The following PACSIN1 variants were observed in gnomAD, a reference collection of about 807,000 sequenced individuals.
PACSIN1 encodes the protein protein kinase C and casein kinase substrate in neurons protein 1.
A neutral mutation model predicts 59.5 loss-of-function variants in PACSIN1; 15 were observed. The observed-to-expected ratio is 0.25, with a 90% CI of 0.17 to 0.39. The LOEUF (loss-of-function observed/expected upper bound fraction) is 0.39. Among genes scored for constraint, PACSIN1 ranks in the 10% least tolerant of loss-of-function variants. PACSIN1 has a pLI of 1.00. For synonymous variants in PACSIN1, 210 were observed against 220.6 expected (o/e 0.95, Z 0.42); for missense variants, 420 against 580.2 (o/e 0.72, Z 2.84).
In PACSIN1 at chr6:34,534,710, G is replaced by C. The variant is rs1581991854; in HGVS notation, c.*2180G>C. The C allele has an allele frequency of 6.5e-6, 1 of 152,862 alleles. No individual in the cohort carries two copies. Among genetic ancestry groups the C allele is most frequent in the East Asian group, 1.9e-4 (1 of 5,172 alleles). The allele number at this position is 152,862 out of a possible 1,614,324, so 9.5% of individuals were successfully genotyped here. A position where few individuals can be genotyped will look rare whatever the true frequency, so the allele number is the denominator to read the frequency against. ...AGGGACTCGAAACCCCCTCCGTCCTGAGCAGCCACCTCCAGGGCCCTGTTT... is the reference window on the plus strand; with the variant it reads ...AGGGACTCGAAACCCCCTCCGTCCTCAGCAGCCACCTCCAGGGCCCTGTTT... On this transcript the variant is annotated 3_prime_UTR_variant, in exon 10 of 10. Coordinates refer to ENST00000244458, the MANE Select transcript of PACSIN1 (RefSeq NM_020804.5).
intron 1 of PACSIN1, among the ~76,000 whole-genome samples, chr6:34,480,694 C>G (rs550082557): frequency 6.6e-6 from 1 of 152,082 alleles, no homozygotes; most frequent in Non-Finnish European, 1.5e-5. Context: ...AGTTTCTGCT[C>G]TATATATATC....
At chr6:34,522,898 T>C (rs1242811914) in intron 1 of PACSIN1, among the ~76,000 whole-genome samples, 2 of 151,978 alleles carry the variant, frequency 1.3e-5, no homozygotes, top group Non-Finnish European at 2.9e-5. Context: ...TCCTCTGCCT[T>C]TTCCTTCTCT....
chr6:34,531,528 TAGG>T lies in PACSIN1; in HGVS notation c.1038-66_1038-64del. 2 of 1,489,410 alleles carry T rather than the reference TAGG, an allele frequency of 1.3e-6. No homozygotes were observed. Among genetic ancestry groups the T allele is most frequent in the Non-Finnish European group, 1.9e-6 (2 of 1,079,132 alleles). The allele number at this position is 1,489,410 out of a possible 1,614,324, so 92.3% of individuals were successfully genotyped here. On this transcript the variant is annotated intron_variant, in intron 8 of 9. Coordinates refer to ENST00000244458, the MANE Select transcript of PACSIN1 (RefSeq NM_020804.5). This position sits in a 1 kb window ranked among gnomAD's most constrained non-coding sequence, Gnocchi z 4.4. ...TAGAATTCGGGATCAGGGCTCTGAT[TAGG>T]AGGAGCGGTTAGCCCTCGGGATGCG...
intron 1 of PACSIN1, among the ~76,000 whole-genome samples, chr6:34,523,339 C>G (rs926196609): frequency 2.0e-5 from 3 of 152,356 alleles, no homozygotes; most frequent in Non-Finnish European, 4.4e-5. Context: ...GCTCACTTCT[C>G]CCGTGGTACC....
intron 1 of PACSIN1, among the ~76,000 whole-genome samples, chr6:34,479,501 A>G (rs1766685994): frequency 1.3e-5 from 2 of 152,186 alleles, no homozygotes. Flanking sequence ...CAATGGCACG[A>G]TCTTGGCCCA....
chr6:34,478,123 G>A (rs1317973517), intron 1 of PACSIN1, among the ~76,000 whole-genome samples: 2 of 149,198 alleles, frequency 1.3e-5, no homozygotes, highest in African/African-American at 5.0e-5. Context: ...ACAGTGGCGC[G>A]ATCTCGGCTT....
intron 1 of PACSIN1, 117 bp from the exon 2 acceptor site, chr6:34,526,126 T>C (rs1767477086): frequency 6.8e-6 from 4 of 590,768 alleles, no homozygotes; most frequent in Admixed American, 6.0e-5. Context: ...GACAGGAAGA[T>C]GGCATCCTAA....
intron 1 of PACSIN1, among the ~76,000 whole-genome samples, chr6:34,503,620 G>A (rs889254898): frequency 6.6e-6 from 1 of 152,188 alleles, no homozygotes; most frequent in South Asian, 2.1e-4. Context: ...GCTCACAGAA[G>A]TCACTCAGTC....
chr6:34,526,444 C>A, intron 2 of PACSIN1, 76 bp downstream of exon 2: 2 of 1,239,606 alleles, frequency 1.6e-6, no homozygotes, highest in Middle Eastern at 1.9e-4. Flanking sequence ...TTATCACTCA[C>A]CCCATGACCT....
intron 1 of PACSIN1, among the ~76,000 whole-genome samples, chr6:34,468,546 C>G (rs59257657): frequency 0.078 from 11,904 of 152,290 alleles, 741 homozygotes; most frequent in East Asian, 0.28. Context: ...CTCCCTCTGC[C>G]CCCTGGCTGC....
intron 1 of PACSIN1, among the ~76,000 whole-genome samples, chr6:34,506,965 G>A (rs892907868): frequency 5.3e-5 from 8 of 152,102 alleles, no homozygotes; most frequent in Admixed American, 3.9e-4. Flanking sequence ...CTCCCCACCC[G>A]GCCTTTCCTC....
At position 34,515,789 on chromosome 6, in the gene PACSIN1, C is replaced by A. The variant is rs546252987; in HGVS notation, c.-63-10454C>A. 9.8e-5 allele frequency among the ~76,000 whole-genome samples: 15 copies of A among 152,312 alleles called. No individual in the cohort carries two copies. Among genetic ancestry groups the A allele is most frequent in the African/African-American group, 3.6e-4 (15 of 41,570 alleles). ...GGAGTGCCTGTGGCCCTCCCTCCTG[C>A]GCTCCCTGTCCCTCTGCTGCATTGC... On this transcript the variant is annotated intron_variant, in intron 1 of 9. Coordinates refer to ENST00000244458, the MANE Select transcript of PACSIN1 (RefSeq NM_020804.5). The surrounding 1 kb of genome is among the most constrained non-coding windows in gnomAD (Gnocchi z 4.4).
At chr6:34,509,493 C>T (rs374578355) in intron 1 of PACSIN1, among the ~76,000 whole-genome samples, 160 of 152,254 alleles carry the variant, frequency 1.1e-3, no homozygotes, top group African/African-American at 3.6e-3. Flanking sequence ...GTTTTGAAAT[C>T]AGGAAGTATG....
intron 1 of PACSIN1, among the ~76,000 whole-genome samples, chr6:34,479,338 C>G (rs145094099): frequency 1.0e-3 from 157 of 152,340 alleles, no homozygotes; most frequent in South Asian, 9.9e-3. Context: ...CTGGAACCCA[C>G]CATTCTAAAC....
At chr6:34,512,834 T>C (rs537262873) in intron 1 of PACSIN1, among the ~76,000 whole-genome samples, 20 of 152,374 alleles carry the variant, frequency 1.3e-4, no homozygotes, top group African/African-American at 4.8e-4. Context: ...GGAATCAATG[T>C]GAGGCACTGG....
At chr6:34,474,791 A>G (rs750362368) in intron 1 of PACSIN1, among the ~76,000 whole-genome samples, 63 of 11,170 alleles carry the variant, frequency 5.6e-3, no homozygotes, top group Non-Finnish European at 0.016. Flanking sequence ...TCTGTCTCAG[A>G]AAAAAAAAAA....
intron 1 of PACSIN1, among the ~76,000 whole-genome samples, chr6:34,501,487 C>T (rs958393021): frequency 1.3e-5 from 2 of 152,198 alleles, no homozygotes; most frequent in Non-Finnish European, 2.9e-5. Flanking sequence ...AGCCAGGACC[C>T]GGGCTTGTTG....
intron 1 of PACSIN1, among the ~76,000 whole-genome samples, chr6:34,511,288 C>T (rs1379538651): frequency 1.3e-5 from 2 of 152,190 alleles, no homozygotes; most frequent in African/African-American, 4.8e-5. Context: ...AGGAGTCTCA[C>T]ACTCTGATCA....
At position 34,529,698 on chromosome 6, in the gene PACSIN1, T is replaced by A. The variant is rs1447567274; in HGVS notation, c.645T>A (p.Asp215Glu). The A allele has an allele frequency of 6.2e-7, 1 of 1,614,122 alleles. No individual in the cohort carries two copies. The highest frequency in any genetic ancestry group is 1.1e-5 in the South Asian group (1 of 91,080). The change falls in exon 6 of 10, where the codon GAT (aspartate) becomes GAA (glutamate). Residue 215 changes from aspartate to glutamate, a missense_variant. Asp to Glu is a conservative substitution (Grantham distance 45, BLOSUM62 2). Transcript: ENST00000244458. This position sits in a 1 kb window ranked among gnomAD's most constrained non-coding sequence, Gnocchi z 6.3. ...TQEKYEKVLE[D>E]VGKTTPQYME... ...AGAAGTATGAGAAAGTGCTGGAAGA[T>A]GTGGGCAAGACCACACCCCAGTACA... is the stretch of plus-strand genomic sequence containing the variant.
Sources: allele counts gnomAD v4.1 joint callset (sites outside exome capture counted in the v4.1 genomes callset), GRCh38; gene constraint gnomAD v4.1.1; non-coding constraint Gnocchi (gnomAD v3.1); transcripts MANE v1.5; gene names NCBI Gene and HGNC (gene_info 2026-07-23, HGNC 2026-07-21).